CCDC148: variants seen among roughly 807,000 people sequenced by gnomAD.
CCDC148 encodes the protein coiled-coil domain-containing protein 148.
Under a neutral mutation model 85.7 loss-of-function variants are expected in CCDC148, and 89 were observed. That is an observed-to-expected ratio of 1.04 (90% CI 0.87 to 1.24). The LOEUF is 1.24. Among genes scored for constraint, CCDC148 ranks in the 50% most tolerant of loss-of-function variants. The pLI is 0.00. For synonymous variants in CCDC148, 230 were observed against 213.9 expected (o/e 1.08, Z -0.66); for missense variants, 692 against 671.7 (o/e 1.03, Z -0.33).
At chr2:158,394,152 T>C (rs750178914) in intron 1 of CCDC148, among the ~76,000 whole-genome samples, 3 of 152,130 alleles carry the variant, frequency 2.0e-5, no homozygotes, top group Non-Finnish European at 4.4e-5. Context: ...TGAGTTTATT[T>C]ACAGAGGGTA....
intron 11 of CCDC148, among the ~76,000 whole-genome samples, chr2:158,185,922 A>C (rs1165472570): frequency 6.6e-6 from 1 of 152,126 alleles, no homozygotes; most frequent in Non-Finnish European, 1.5e-5. Flanking sequence ...AATAGTTTAA[A>C]TAATGTTAGT....
chr2:158,294,469 G>GT (rs1691074026), intron 9 of CCDC148, among the ~76,000 whole-genome samples: 1 of 152,068 alleles, frequency 6.6e-6, no homozygotes, highest in Non-Finnish European at 1.5e-5. Flanking sequence ...GGGTCATGTG[G>GT]TAAGTGTGTG....
chr2:158,434,862 C>T (rs1559142928), intron 1 of CCDC148, among the ~76,000 whole-genome samples: 1 of 152,104 alleles, frequency 6.6e-6, no homozygotes, highest in East Asian at 1.9e-4. Flanking sequence ...TGATCAAGTG[C>T]AAGAAAGGGT....
At position 158,416,132 on chromosome 2, in the gene CCDC148, A is replaced by T. The variant is rs560042795; in HGVS notation, c.25+40283T>A. ...AGGAGTGGCCTGAGACATATCTGGG[A>T]CCCTTTTAGCCATGGCTGGAGCTGG... On this transcript the variant is annotated intron_variant, in intron 1 of 13. Transcript: ENST00000283233. Among the ~76,000 whole-genome samples, 5 of 152,072 alleles carry T rather than the reference A, an allele frequency of 3.3e-5. No homozygotes were observed. The South Asian group carries it at 8.3e-4, about 25-fold the overall frequency.
At chr2:158,284,442 C>T (rs1690517408) in intron 9 of CCDC148, among the ~76,000 whole-genome samples, 1 of 151,982 alleles carries the variant, frequency 6.6e-6, no homozygotes, top group African/African-American at 2.4e-5. Flanking sequence ...GTGAAGATCT[C>T]CTTTTGGAAA....
At chr2:158,409,858 C>T (rs1044000533) in intron 1 of CCDC148, among the ~76,000 whole-genome samples, 12 of 152,030 alleles carry the variant, frequency 7.9e-5, no homozygotes, top group Non-Finnish European at 8.8e-5. Flanking sequence ...GGGAGATAAT[C>T]GAATCATGGG....
At chr2:158,233,049 G>A (rs1256220125) in intron 10 of CCDC148, among the ~76,000 whole-genome samples, 1 of 152,108 alleles carries the variant, frequency 6.6e-6, no homozygotes, top group Non-Finnish European at 1.5e-5. Context: ...AATGATACAT[G>A]TTTGAGGTAA....
intron 1 of CCDC148, among the ~76,000 whole-genome samples, chr2:158,444,857 G>A (rs1259296182): frequency 3.3e-5 from 5 of 150,268 alleles, no homozygotes; most frequent in Non-Finnish European, 5.9e-5. Flanking sequence ...CTATCTATGG[G>A]ATTAGAAATT....
intron 1 of CCDC148, among the ~76,000 whole-genome samples, chr2:158,426,869 A>G (rs1397773458): frequency 2.0e-5 from 3 of 152,172 alleles, no homozygotes; most frequent in Admixed American, 6.5e-5. Flanking sequence ...ATAAGTACCA[A>G]TGTTGGCTAT....
chr2:158,222,964 G>A (rs1291455727), intron 10 of CCDC148, among the ~76,000 whole-genome samples: 1 of 152,158 alleles, frequency 6.6e-6, no homozygotes, highest in Non-Finnish European at 1.5e-5. Flanking sequence ...GTGTCGGAAA[G>A]TGGGTGCAGG....
At chr2:158,371,954 C>T (rs1229960646) in intron 1 of CCDC148, among the ~76,000 whole-genome samples, 3 of 151,968 alleles carry the variant, frequency 2.0e-5, no homozygotes, top group Admixed American at 2.0e-4. Flanking sequence ...TCTCAATCAA[C>T]CTTGCTAATA....
chr2:158,220,783 C>T, intron 10 of CCDC148, 70 bp from the exon 11 acceptor site: 1 of 1,176,686 alleles, frequency 8.5e-7, no homozygotes, highest in Non-Finnish European at 1.2e-6. Context: ...AAGCCATAAC[C>T]ATATCCACTG....
At chr2:158,415,793 A>G (rs1244427365) in intron 1 of CCDC148, among the ~76,000 whole-genome samples, 1 of 152,000 alleles carries the variant, frequency 6.6e-6, no homozygotes, top group East Asian at 1.9e-4. Flanking sequence ...ACCTCCTTTG[A>G]CTCCACGTCT....
chr2:158,336,452 T>C (rs951756547), intron 7 of CCDC148, among the ~76,000 whole-genome samples: 3 of 152,218 alleles, frequency 2.0e-5, no homozygotes, highest in Non-Finnish European at 4.4e-5. Flanking sequence ...GGTACATGTA[T>C]ATACATTTCT....
chr2:158,183,122 C>T (rs547319994), intron 11 of CCDC148, among the ~76,000 whole-genome samples: 4 of 152,262 alleles, frequency 2.6e-5, no homozygotes, highest in East Asian at 1.9e-4. Flanking sequence ...GCAAAAGAGG[C>T]ATTTTCGACT....
intron 1 of CCDC148, among the ~76,000 whole-genome samples, chr2:158,365,711 C>T (rs932469052): frequency 3.9e-5 from 6 of 152,026 alleles, no homozygotes; most frequent in Non-Finnish European, 7.4e-5. Context: ...ATGTAGATGA[C>T]GGGTTGATGG....
At chr2:158,455,816 TA>T (rs1688657510) in intron 1 of CCDC148, among the ~76,000 whole-genome samples, 1 of 152,232 alleles carries the variant, frequency 6.6e-6, no homozygotes, top group Admixed American at 6.5e-5. Flanking sequence ...TTAGTATTGA[TA>T]AACCACCACA....
intron 9 of CCDC148, among the ~76,000 whole-genome samples, chr2:158,275,588 CTTTCTT>C (rs1239098348): frequency 6.6e-6 from 1 of 152,010 alleles, no homozygotes; most frequent in Non-Finnish European, 1.5e-5. Context: ...TTTGGAGTCT[CTTTCTT>C]TATCAAATCC....
At chr2:158,335,896 A>T (rs1462020691) in intron 7 of CCDC148, among the ~76,000 whole-genome samples, 1 of 152,076 alleles carries the variant, frequency 6.6e-6, no homozygotes, top group Non-Finnish European at 1.5e-5. Context: ...TTGGATCTAG[A>T]GATGGAGTCA....
Sources: gnomAD v4.1 joint callset for allele counts (sites outside exome capture counted in the v4.1 genomes callset) on GRCh38, gnomAD v4.1.1 for gene constraint, MANE v1.5 for transcripts, NCBI Gene and HGNC (gene_info 2026-07-23, HGNC 2026-07-21) for gene names.